Variants in TENM1 observed in about 807,000 individuals in gnomAD.
TENM1 encodes the protein teneurin transmembrane protein 1, also known as teneurin-1.
TENM1 carries 35 observed loss-of-function variants against 174.8 expected under a neutral mutation model. The ratio of observed to expected loss-of-function variants is 0.20; its 90% CI spans 0.15 to 0.27. The LOEUF (loss-of-function observed/expected upper bound fraction) is 0.27. Ranked by LOEUF, TENM1 falls within the 10% of genes least tolerant of loss-of-function variation. TENM1 has a pLI of 1.00. For missense variants in TENM1, 1,633 were observed against 2,130.1 expected (o/e 0.77, Z 4.59); for synonymous variants, 781 against 798.7 (o/e 0.98, Z 0.37).
intron 12 of TENM1, 60 bp from the exon 16 acceptor site, chrX:124,563,832 A>G: frequency 9.6e-7 from 1 of 1,039,272 alleles, no homozygotes; most frequent in South Asian, 2.3e-5. Context: ...GCTATACAAT[A>G]TGTACTAATG....
chrX:125,051,889 C>T, the TENM1 span, among the ~76,000 whole-genome samples: 1 of 106,042 alleles, frequency 9.4e-6, no homozygotes, highest in Non-Finnish European at 1.9e-5. Context: ...AAAGAAACTA[C>T]CATCAGAGTG....
intron 25 of TENM1, among the ~76,000 whole-genome samples, chrX:124,419,751 A>G (rs745350374): frequency 3.2e-4 from 36 of 112,083 alleles, no homozygotes; most frequent in African/African-American, 1.0e-3. Context: ...GAAGCAGCCA[A>G]TGGAATGGAG....
the TENM1 span, among the ~76,000 whole-genome samples, chrX:125,140,307 C>A: frequency 1.8e-5 from 2 of 111,786 alleles, no homozygotes; most frequent in Non-Finnish European, 3.8e-5. Context: ...AACTGGAGGT[C>A]ATTATGTTAA....
chrX:124,751,008 T>C (rs770562008), intron 3 of TENM1, among the ~76,000 whole-genome samples: 2 of 112,311 alleles, frequency 1.8e-5, no homozygotes, highest in South Asian at 7.4e-4. Flanking sequence ...AATATCTTCA[T>C]TTCAGTAGCA....
At chrX:124,754,402 C>A (rs1022859213) in intron 3 of TENM1, among the ~76,000 whole-genome samples, 8 of 111,348 alleles carry the variant, frequency 7.2e-5, no homozygotes, top group African/African-American at 2.6e-4. Flanking sequence ...GTCTTGCTAG[C>A]GGTCTATCAA....
intron 1 of TENM1, among the ~76,000 whole-genome samples, chrX:124,943,319 A>G (rs1294297370): frequency 8.9e-6 from 1 of 111,766 alleles, no homozygotes; most frequent in African/African-American, 3.2e-5. Flanking sequence ...GCTACTCAGC[A>G]TGGAATTCAG....
chrX:124,520,442 C>A, intron 18 of TENM1, 75 bp downstream of exon 21: 1 of 967,234 alleles, frequency 1.0e-6, no homozygotes. Context: ...ATTCCAAATA[C>A]AAATTAACAT....
chrX:125,139,869 G>C, the TENM1 span, among the ~76,000 whole-genome samples: 6 of 38,386 alleles, frequency 1.6e-4, no homozygotes, highest in Admixed American at 7.0e-4. Flanking sequence ...GAGAGAGAGA[G>C]AGAGAGAGAG....
intron 3 of TENM1, among the ~76,000 whole-genome samples, chrX:124,863,698 C>T (rs1357538094): frequency 8.9e-6 from 1 of 112,479 alleles, no homozygotes; most frequent in East Asian, 2.8e-4. Flanking sequence ...AAGGGAAGGA[C>T]ACAGAGCTGG....
Position 124,601,897 on chromosome X carries a change from T to G in TENM1, c.2078-36337A>C, listed in dbSNP as rs185007398. On this transcript the variant is annotated intron_variant, in intron 11 of 31. Transcript: ENST00000422452. ...AGAATACATTTTTCTACATTCTTTC[T>G]TAAAGGAAGTCCTACTTATATAGAA... Among the ~76,000 whole-genome samples, 30 of 111,379 alleles carry G rather than the reference T, an allele frequency of 2.7e-4. No homozygotes were observed. The East Asian group carries it at 8.2e-3, about 31-fold the overall frequency.
the TENM1 span, among the ~76,000 whole-genome samples, chrX:125,084,246 T>A: frequency 9.1e-6 from 1 of 110,316 alleles, no homozygotes. Context: ...CAACCAGCCA[T>A]CCATCCATCC....
intron 1 of TENM1, among the ~76,000 whole-genome samples, chrX:124,937,857 C>T (rs138886386): frequency 9.0e-6 from 1 of 111,633 alleles, no homozygotes; most frequent in African/African-American, 3.3e-5. Context: ...TGAATTTCCT[C>T]ATTTTCATTT....
At chrX:124,546,692 T>C (rs1227211433) in intron 15 of TENM1, among the ~76,000 whole-genome samples, 182 bp downstream of exon 18, 1 of 111,584 alleles carries the variant, frequency 9.0e-6, no homozygotes, top group Non-Finnish European at 1.9e-5. Flanking sequence ...ATACAGAATC[T>C]CTAGAAATGA....
At chrX:125,114,041 C>T in the TENM1 span, among the ~76,000 whole-genome samples, 6 of 111,305 alleles carry the variant, frequency 5.4e-5, no homozygotes, top group African/African-American at 9.8e-5. Context: ...TGCAAAAGAA[C>T]GGAAATCATA....
intron 3 of TENM1, among the ~76,000 whole-genome samples, chrX:124,762,046 AAT>A (rs1045685988): frequency 8.9e-6 from 1 of 112,359 alleles, no homozygotes; most frequent in African/African-American, 3.2e-5. Context: ...CATAAAGCCC[AAT>A]ATCAATCCTT....
chrX:124,710,954 G>A (rs1186363385), intron 4 of TENM1, among the ~76,000 whole-genome samples: 1 of 112,194 alleles, frequency 8.9e-6, no homozygotes, highest in Non-Finnish European at 1.9e-5. Flanking sequence ...CTAGATGTTA[G>A]CTATGTGCTC....
the TENM1 span, among the ~76,000 whole-genome samples, chrX:125,144,425 AC>A: frequency 9.0e-6 from 1 of 111,434 alleles, no homozygotes. Context: ...ACATTTGCTA[AC>A]CCATTGTGAA....
chrX:124,403,436 C>A (rs896999032), intron 27 of TENM1, among the ~76,000 whole-genome samples: 3 of 106,364 alleles, frequency 2.8e-5, no homozygotes, highest in Non-Finnish European at 5.8e-5. Context: ...AGGAGAATGG[C>A]GTGAACCCGG....
At chrX:125,091,731 T>C in the TENM1 span, among the ~76,000 whole-genome samples, 1 of 110,838 alleles carries the variant, frequency 9.0e-6, no homozygotes, top group African/African-American at 3.3e-5. Flanking sequence ...CTCACACCTG[T>C]AATCCCAGCA....
Sources: allele counts gnomAD v4.1 joint callset (sites outside exome capture counted in the v4.1 genomes callset), GRCh38; gene constraint gnomAD v4.1.1; transcripts MANE v1.5; gene names NCBI Gene and HGNC (gene_info 2026-07-23, HGNC 2026-07-21).